The following MICAL2 variants were observed in gnomAD, a reference collection of about 807,000 sequenced individuals.
The protein encoded by MICAL2 is [F-actin]-monooxygenase MICAL2.
MICAL2 carries 77 observed loss-of-function variants against 127.3 expected under a neutral mutation model. That is an observed-to-expected ratio of 0.60 (90% CI 0.50 to 0.73). MICAL2 has a LOEUF of 0.73. Ranked by LOEUF, MICAL2 falls within the 30% of genes least tolerant of loss-of-function variation. The pLI is 0.00. For missense variants in MICAL2, 1,351 were observed against 1,434.4 expected, an observed-to-expected ratio of 0.94 and a Z score of 0.94; for synonymous variants, 570 against 551.1, an observed-to-expected ratio of 1.03 and a Z score of -0.48.
At chr11:12,293,492 T>C, downstream of MICAL2, 8 of 1,499,174 alleles carry the variant, frequency 5.3e-6, no homozygotes, top group Non-Finnish European at 7.2e-6. Flanking sequence ...TAGATTGAGA[T>C]TTGCTTTCAT....
At chr11:12,204,578 C>T in intron 4 of MICAL2, 121 bp downstream of exon 4, 2 of 916,324 alleles carry the variant, frequency 2.2e-6, no homozygotes, top group Non-Finnish European at 3.3e-6. Context: ...CACCATATAT[C>T]AGACTAACAG....
downstream of MICAL2, among the ~76,000 whole-genome samples, chr11:12,268,692 G>C (rs1863634926): frequency 6.6e-6 from 1 of 152,182 alleles, no homozygotes; most frequent in Non-Finnish European, 1.5e-5. Context: ...CCCACCCTCA[G>C]ATAAAGAGGC....
chr11:12,340,607 A>G (rs1348047137), intron 32 of MICAL2, among the ~76,000 whole-genome samples: 8 of 152,238 alleles, frequency 5.3e-5, no homozygotes, highest in Non-Finnish European at 1.2e-4. Context: ...AGCATCACTC[A>G]TAATAGCAGA....
intron 7 of MICAL2, among the ~76,000 whole-genome samples, chr11:12,214,500 G>A (rs1326214756): frequency 6.6e-6 from 1 of 152,126 alleles, no homozygotes; most frequent in Non-Finnish European, 1.5e-5. Flanking sequence ...CACTTTTAGG[G>A]GCTGTGGAAT....
intron 32 of MICAL2, among the ~76,000 whole-genome samples, chr11:12,344,285 G>T (rs2134887533): frequency 6.6e-6 from 1 of 152,048 alleles, no homozygotes; most frequent in South Asian, 2.1e-4. Flanking sequence ...GACAGGGTGA[G>T]ATTCGGTCTC....
At chr11:12,295,000 T>A (rs1863967818), downstream of MICAL2, 1 of 1,265,824 alleles carries the variant, frequency 7.9e-7, no homozygotes, top group Non-Finnish European at 1.0e-6. Context: ...GCAAAAAATT[T>A]GAAAAAAATC....
intron 2 of MICAL2, among the ~76,000 whole-genome samples, chr11:12,158,512 A>C (rs1854435998): frequency 7.0e-6 from 1 of 143,876 alleles, no homozygotes; most frequent in Non-Finnish European, 1.6e-5. Context: ...GAAAAAAAAA[A>C]AACAGATAAT....
chr11:12,361,967 T>A (rs953233063), downstream of MICAL2, among the ~76,000 whole-genome samples: 2 of 152,226 alleles, frequency 1.3e-5, no homozygotes, highest in East Asian at 1.9e-4. Context: ...CAGGGGAAAG[T>A]GTACGATTTC....
At chr11:12,344,290 G>A (rs567498042) in intron 32 of MICAL2, among the ~76,000 whole-genome samples, 8 of 151,580 alleles carry the variant, frequency 5.3e-5, no homozygotes, top group Non-Finnish European at 1.0e-4. Flanking sequence ...GGTGAGATTC[G>A]GTCTCAAAAA....
intron 29 of MICAL2, among the ~76,000 whole-genome samples, chr11:12,313,961 A>AAT (rs1177699989): frequency 4.6e-5 from 2 of 43,792 alleles, no homozygotes; most frequent in African/African-American, 1.9e-4. Flanking sequence ...TCTTGGTCTG[A>AAT]TTTTTTTTTT....
chr11:12,229,683 G>T (rs1156933332), intron 15 of MICAL2, among the ~76,000 whole-genome samples: 2 of 152,264 alleles, frequency 1.3e-5, no homozygotes, highest in Non-Finnish European at 2.9e-5. Flanking sequence ...GGGAGCTGGG[G>T]ATGGTTAAAA....
chr11:12,197,339 T>G (rs1860066651), intron 3 of MICAL2: 1 of 152,258 alleles, frequency 6.6e-6, no homozygotes. Flanking sequence ...ACATGCCTAA[T>G]TCAGGGTGAT....
intron 32 of MICAL2, among the ~76,000 whole-genome samples, chr11:12,336,074 C>T (rs952121464): frequency 4.6e-5 from 7 of 152,178 alleles, no homozygotes; most frequent in African/African-American, 1.7e-4. Context: ...ATTGATTCTT[C>T]CTACCCATGA....
chr11:12,260,138 G>T, intron 26 of MICAL2: 1 of 1,531,718 alleles, frequency 6.5e-7, no homozygotes, highest in Admixed American at 2.0e-5. Flanking sequence ...ATCTGCAACT[G>T]GGTGCTCAGG....
At chr11:12,205,533 A>G (rs1378285489) in intron 4 of MICAL2, among the ~76,000 whole-genome samples, 1 of 152,176 alleles carries the variant, frequency 6.6e-6, no homozygotes, top group Non-Finnish European at 1.5e-5. Flanking sequence ...CTCAGGGATG[A>G]TTGTATAGCA....
chr11:12,162,285 C>G lies in MICAL2; in HGVS notation c.130C>G (p.Leu44Val), dbSNP rs375504985. ...CACACGACACCTGGACCTAGACCCT[C>G]TGGACCACAGAAACTTTTATTCCAA... is the stretch of plus-strand genomic sequence containing the variant. ...ILTRHLDLDP[L>V]DHRNFYSKLK... The change falls in exon 3 of 28, where the codon CTG (leucine) becomes GTG (valine). Residue 44 changes from leucine (L) to valine (V), a missense_variant. By Grantham distance (32) the Leu-to-Val change is conservative. Around this residue, in one of 2 missense-constraint regions of MICAL2, gnomAD observed 599 missense variants for 714.9 expected, o/e 0.84. Coordinates refer to ENST00000683283, the MANE Select transcript of MICAL2 (RefSeq NM_001282663.2). 4.5e-5 allele frequency: 73 copies of G among 1,614,142 alleles called. No individual in the cohort carries two copies. Among genetic ancestry groups the G allele is most frequent in the Non-Finnish European group, 5.7e-5 (67 of 1,180,060 alleles).
chr11:12,277,865 T>C (rs973376307), intron 1 of MICAL2, among the ~76,000 whole-genome samples: 2 of 152,218 alleles, frequency 1.3e-5, no homozygotes, highest in African/African-American at 4.8e-5. Context: ...GGCTATATGG[T>C]GTAACCTATT....
chr11:12,112,070 T>C (rs1849653253), intron 1 of MICAL2, among the ~76,000 whole-genome samples: 1 of 152,184 alleles, frequency 6.6e-6, no homozygotes, highest in Non-Finnish European at 1.5e-5. Flanking sequence ...CTCCCCATTT[T>C]AGAGATGGGG....
At chr11:12,334,255 A>G (rs1172131941) in intron 32 of MICAL2, among the ~76,000 whole-genome samples, 2 of 152,284 alleles carry the variant, frequency 1.3e-5, no homozygotes, top group Admixed American at 6.5e-5. Flanking sequence ...GTCACTGCGT[A>G]TAACCTATGC....
Sources: gnomAD v4.1 joint callset for allele counts (sites outside exome capture counted in the v4.1 genomes callset) on GRCh38, gnomAD v4.1.1 for gene constraint, gnomAD v4.1.1 regional missense constraint, MANE v1.5 for transcripts, NCBI Gene and HGNC (gene_info 2026-07-23, HGNC 2026-07-21) for gene names.